The following MBTD1 variants were observed in gnomAD, a reference collection of about 807,000 sequenced individuals.
The protein encoded by MBTD1 is MBT domain-containing protein 1.
A neutral mutation model predicts 87.8 loss-of-function variants in MBTD1; 24 were observed. The ratio of observed to expected loss-of-function variants is 0.27; its 90% CI spans 0.20 to 0.38. The LOEUF (loss-of-function observed/expected upper bound fraction) is 0.38, where lower values mean the gene tolerates loss of function less well. Among genes scored for constraint, MBTD1 ranks in the 10% least tolerant of loss-of-function variants. The pLI is 1.00. For synonymous variants in MBTD1, 237 were observed against 248.6 expected (o/e 0.95, Z 0.44); for missense variants, 436 against 760.2 (o/e 0.57, Z 5.02).
chr17:51,190,088 A>G (rs540416150), intron 16 of MBTD1, among the ~76,000 whole-genome samples: 1 of 152,290 alleles, frequency 6.6e-6, no homozygotes, highest in Admixed American at 6.5e-5. Flanking sequence ...AGAAATTTTT[A>G]AGTTTCCCAC....
Position 51,256,852 on chromosome 17 carries a change from G to A in MBTD1, c.-49+2291C>T, listed in dbSNP as rs1340452826. 4 of 152,194 alleles carry A rather than the reference G, an allele frequency of 2.6e-5. No individual in the cohort carries two copies. The East Asian group carries it at 5.8e-4, about 22-fold the overall frequency. 9.4% of individuals were successfully genotyped at this position (152,194 alleles called of 1,614,324 possible). A position where few individuals can be genotyped will look rare whatever the true frequency, so the allele number is the denominator to read the frequency against. On this transcript the variant is annotated intron_variant, in intron 2 of 16. Transcript: ENST00000586178. ...ACTGCCATGAGAAAATGGAGGCACA[G>A]GATCTTGTCCAACAAGGGCCATGGA...
chr17:51,249,037 G>A (rs1479672387), intron 2 of MBTD1, among the ~76,000 whole-genome samples: 2 of 151,476 alleles, frequency 1.3e-5, no homozygotes, highest in East Asian at 3.9e-4. Context: ...GACTGCTTGA[G>A]CCCAAGAGTT....
Position 51,202,838 on chromosome 17 carries a change from C to T in MBTD1, c.926G>A (p.Ser309Asn). 4 of 1,614,130 alleles carry T rather than the reference C, an allele frequency of 2.5e-6. No individual in the cohort carries two copies. The highest frequency in any genetic ancestry group is 1.3e-5 in the African/African-American group (1 of 75,046). Residue 309 changes from serine (S) to asparagine (N), a missense_variant, in exon 10 of 17, where the codon AGT (serine) becomes AAT (asparagine). By Grantham distance (46) the Ser-to-Asn change is conservative. Transcript: ENST00000586178. ...LCRTRVAVVE[S>N]VIGGRLRLVY... ...TAGTCTTAATCTTCCTCCAATTACA[C>T]TTTCCACCACTGCTACTCGTGTTCG...
intron 3 of MBTD1, among the ~76,000 whole-genome samples, chr17:51,223,651 T>C (rs991732596): frequency 8.5e-5 from 13 of 152,108 alleles, no homozygotes; most frequent in African/African-American, 2.7e-4. Context: ...GCCTGGCCAA[T>C]ATGGTGAAAC....
chr17:51,240,317 C>A lies in MBTD1; in HGVS notation c.-48-15108G>T, dbSNP rs374040998. 3.3e-5 allele frequency among the ~76,000 whole-genome samples: 5 copies of A among 152,130 alleles called. No individual in the cohort carries two copies. In the East Asian group the frequency reaches 5.8e-4, roughly 18 times the overall value. Reference sequence around the variant, plus strand: ...AAAGTCTACATTTTCAGTTTTCCTTCATTTTTACTGTTCTTTTCTCTGTTC... The same window carrying A: ...AAAGTCTACATTTTCAGTTTTCCTTAATTTTTACTGTTCTTTTCTCTGTTC... On this transcript the variant is annotated intron_variant, in intron 2 of 16. Coordinates refer to ENST00000586178, the MANE Select transcript of MBTD1 (RefSeq NM_017643.3).
At position 51,201,675 on chromosome 17, in the gene MBTD1, C is replaced by T; in HGVS notation, c.1141G>A (p.Gly381Arg). 2 of 1,608,502 alleles carry T rather than the reference C, an allele frequency of 1.2e-6. No individual in the cohort carries two copies. Among genetic ancestry groups the T allele is most frequent in the Non-Finnish European group, 1.7e-6 (2 of 1,175,716 alleles). The change falls in exon 12 of 17, where the codon GGG becomes AGG. Residue 381 changes from glycine to arginine, a missense_variant. Physicochemically the swap from Gly to Arg is moderately radical, Grantham distance 125. This residue lies in a region of MBTD1 where 268 missense variants were observed against 401.8 expected (regional missense o/e 0.67). Coordinates refer to ENST00000586178, the MANE Select transcript of MBTD1 (RefSeq NM_017643.3). ...TTCATTCCTTCCTTGAACCATTCCC[C>T]ACTCTGGTCTACTTCTTTTACCTAA... ...FAKVKEVDQS[G>R]EWFKEGMKLE... is the part of the protein sequence containing the mutation.
chr17:51,247,199 G>A (rs922711240), intron 2 of MBTD1, among the ~76,000 whole-genome samples: 5 of 152,088 alleles, frequency 3.3e-5, no homozygotes, highest in Admixed American at 2.0e-4. Context: ...AGGCTTTTTC[G>A]GCTTCTATAA....
At chr17:51,232,617 G>A (rs761697040) in intron 2 of MBTD1, among the ~76,000 whole-genome samples, 1 of 152,052 alleles carries the variant, frequency 6.6e-6, no homozygotes, top group Non-Finnish European at 1.5e-5. Context: ...AAAACAAGAT[G>A]TCAAAATAAG....
intron 16 of MBTD1, chr17:51,191,981 G>A (rs780774762): frequency 2.1e-5 from 11 of 522,882 alleles, no homozygotes; most frequent in African/African-American, 7.8e-5. Context: ...TCTTTACCAC[G>A]TATACTTTAA....
intron 16 of MBTD1, among the ~76,000 whole-genome samples, chr17:51,190,750 A>AATATATATATAT (rs1555677186): frequency 1.6e-3 from 62 of 39,694 alleles, no homozygotes; most frequent in East Asian, 4.7e-3. Flanking sequence ...AAAAAAAAAA[A>AATATATATATAT]ATATATATAT....
chr17:51,222,783 T>G (rs2052986632), intron 3 of MBTD1, among the ~76,000 whole-genome samples: 3 of 151,918 alleles, frequency 2.0e-5, no homozygotes, highest in Admixed American at 2.0e-4. Context: ...TGCATGACTC[T>G]CTATCAGCCC....
chr17:51,183,414 A>C (rs1422715886), intron 16 of MBTD1: 1 of 151,188 alleles, frequency 6.6e-6, no homozygotes, highest in Non-Finnish European at 1.5e-5. Flanking sequence ...CAGGTGATTC[A>C]CCTGCCTCAG....
chr17:51,197,520 C>CTTTTTTTTTTTTTTT (rs548902033), intron 12 of MBTD1, among the ~76,000 whole-genome samples: 1 of 139,092 alleles, frequency 7.2e-6, no homozygotes. Context: ...TTTTTCTTTT[C>CTTTTTTTTTTTTTTT]TTTTTTTTTT....
intron 10 of MBTD1, 75 bp from the exon 11 acceptor site, chr17:51,202,152 A>G (rs1305994664): frequency 1.2e-6 from 1 of 840,470 alleles, no homozygotes; most frequent in Non-Finnish European, 2.0e-6. Flanking sequence ...GAAGGCTTCA[A>G]ACTCACAAAG....
At chr17:51,182,405 T>A (rs573354772) in intron 16 of MBTD1, among the ~76,000 whole-genome samples, 1 of 152,304 alleles carries the variant, frequency 6.6e-6, no homozygotes, top group African/African-American at 2.4e-5. Flanking sequence ...TGGATTACGG[T>A]GTCAGCCACC....
At chr17:51,195,075 AGCTCC>A (rs1488124242) in intron 13 of MBTD1, 134 bp downstream of exon 13, 13 of 593,634 alleles carry the variant, frequency 2.2e-5, no homozygotes, top group East Asian at 1.2e-4. Context: ...AGCAACCTAC[AGCTCC>A]TGTATGTATA....
intron 3 of MBTD1, among the ~76,000 whole-genome samples, chr17:51,224,196 C>T (rs907474730): frequency 6.6e-6 from 1 of 152,180 alleles, no homozygotes; most frequent in Non-Finnish European, 1.5e-5. Flanking sequence ...TGACTTGTTA[C>T]CCTACTACCA....
At chr17:51,211,923 C>T (rs891267997) in intron 6 of MBTD1, among the ~76,000 whole-genome samples, 2 of 151,896 alleles carry the variant, frequency 1.3e-5, no homozygotes, top group African/African-American at 4.8e-5. Context: ...TCCTTAAAAC[C>T]TAAAAGTATA....
chr17:51,203,095 T>C, intron 9 of MBTD1, 45 bp downstream of exon 9: 1 of 1,464,788 alleles, frequency 6.8e-7, no homozygotes, highest in Non-Finnish European at 9.5e-7. Flanking sequence ...TCTGTTACCC[T>C]TGTTTTTTAG....
Sources: allele counts gnomAD v4.1 joint callset (sites outside exome capture counted in the v4.1 genomes callset), GRCh38; gene constraint gnomAD v4.1.1; regional missense constraint gnomAD v4.1.1; transcripts MANE v1.5; gene names NCBI Gene and HGNC (gene_info 2026-07-23, HGNC 2026-07-21).